Variants in TAFA4 observed in about 807,000 individuals in gnomAD.
TAFA4 encodes the protein TAFA chemokine like family member 4.
TAFA4 carries 20 observed loss-of-function variants against 21.1 expected under a neutral mutation model. The ratio of observed to expected loss-of-function variants is 0.95; its 90% CI spans 0.67 to 1.38. The LOEUF (loss-of-function observed/expected upper bound fraction) is 1.38. TAFA4 is among the 40% of genes most tolerant of loss of function. The pLI, the probability that TAFA4 is intolerant of heterozygous loss-of-function variation, is 0.00. For missense variants in TAFA4, 211 were observed against 180.9 expected (o/e 1.17, Z -0.95); for synonymous variants, 71 against 67.4 (o/e 1.05, Z -0.26).
chr3:68,822,746 G>A (rs958547873), intron 3 of TAFA4, among the ~76,000 whole-genome samples: 3 of 152,150 alleles, frequency 2.0e-5, no homozygotes, highest in African/African-American at 7.2e-5. Context: ...TGCCAGGATT[G>A]TAGGCATGAG....
chr3:68,739,193 A>G lies in TAFA4; in HGVS notation c.293T>C (p.Ile98Thr), dbSNP rs781693482. 9.3e-6 allele frequency: 15 copies of G among 1,613,304 alleles called. No homozygotes were observed. Among genetic ancestry groups the G allele is most frequent in the Admixed American group, 5.0e-5 (3 of 59,874 alleles). ...RAQPSCVEAS[I>T]VIQKWWCHMN... ...GTGACACCACCATTTCTGAATCACA[A>G]TGGAAGCTGGAAAACAAAGGCCAAA... is the stretch of plus-strand genomic sequence containing the variant. The change falls in exon 5 of 6, where the codon ATT becomes ACT. Residue 98 changes from isoleucine to threonine, a missense_variant. Coordinates refer to ENST00000295569, the MANE Select transcript of TAFA4 (RefSeq NM_182522.5).
intron 3 of TAFA4, among the ~76,000 whole-genome samples, chr3:68,758,426 A>T (rs563826857): frequency 1.4e-4 from 21 of 152,268 alleles, no homozygotes; most frequent in African/African-American, 5.1e-4. Flanking sequence ...GATAGTGAAT[A>T]AGTCTCATGA....
chr3:68,900,981 G>C (rs1049078704), intron 1 of TAFA4, among the ~76,000 whole-genome samples: 1 of 152,202 alleles, frequency 6.6e-6, no homozygotes, highest in Non-Finnish European at 1.5e-5. Context: ...GCCACCCATG[G>C]CTAATTCAAG....
intron 3 of TAFA4, among the ~76,000 whole-genome samples, chr3:68,771,259 A>C (rs1160304070): frequency 6.6e-6 from 1 of 152,230 alleles, no homozygotes; most frequent in Non-Finnish European, 1.5e-5. Context: ...TGTCCTTGTG[A>C]TAAGGCAGAA....
At chr3:68,827,850 T>C (rs184901236) in intron 3 of TAFA4, among the ~76,000 whole-genome samples, 43 of 152,346 alleles carry the variant, frequency 2.8e-4, no homozygotes, top group Non-Finnish European at 4.7e-4. Flanking sequence ...ACTCTGATGA[T>C]AGTTTCTTTT....
At chr3:68,885,066 T>C in intron 2 of TAFA4, 109 bp downstream of exon 2, 1 of 1,022,020 alleles carries the variant, frequency 9.8e-7, no homozygotes, top group South Asian at 1.6e-5. Flanking sequence ...CCAAAAAGTG[T>C]AAAAGCAGGC....
intron 3 of TAFA4, among the ~76,000 whole-genome samples, chr3:68,860,369 G>T (rs1392846238): frequency 6.6e-6 from 1 of 152,110 alleles, no homozygotes; most frequent in East Asian, 1.9e-4. Flanking sequence ...GCATACAAAT[G>T]AATGTATTTG....
chr3:68,837,585 A>G (rs1194333310), intron 3 of TAFA4, among the ~76,000 whole-genome samples: 2 of 152,208 alleles, frequency 1.3e-5, no homozygotes, highest in African/African-American at 2.4e-5. Flanking sequence ...TTCTGATTCA[A>G]TGAATCAGAG....
rs796923082 is a variant in TAFA4 at position 68,901,316 on chromosome 3, T to TAA, written c.-122-16008_-122-16007dup. Among the ~76,000 whole-genome samples, 763 of 144,146 alleles carry TAA rather than the reference T, an allele frequency of 5.3e-3. 4 individuals carry two copies. Among genetic ancestry groups the TAA allele is most frequent in the African/African-American group, 0.018 (709 of 39,368 alleles). The allele number at this position is 144,146 out of a possible 152,430, so 94.6% of individuals were successfully genotyped here. ...CAAGAACTCCTACAGCTATTTCACT[T>TAA]AAAAAAAAAAAAAATTCTTATCTTT... On this transcript the variant is annotated intron_variant, in intron 1 of 5. Coordinates refer to ENST00000295569, the MANE Select transcript of TAFA4 (RefSeq NM_182522.5).
intron 4 of TAFA4, among the ~76,000 whole-genome samples, chr3:68,749,029 G>C (rs544079487): frequency 6.6e-6 from 1 of 152,300 alleles, no homozygotes; most frequent in East Asian, 1.9e-4. Context: ...TCACAAAGAA[G>C]AATGCTTACC....
intron 3 of TAFA4, among the ~76,000 whole-genome samples, chr3:68,798,477 T>C (rs1216318577): frequency 1.3e-5 from 2 of 152,280 alleles, no homozygotes; most frequent in African/African-American, 4.8e-5. Context: ...TAGAAATGTA[T>C]CTGGAATCTG....
intron 4 of TAFA4, among the ~76,000 whole-genome samples, chr3:68,741,311 T>C (rs1702347398): frequency 6.6e-6 from 1 of 152,222 alleles, no homozygotes. Flanking sequence ...CTTACAGTTT[T>C]TAGTGTACTG....
intron 3 of TAFA4, among the ~76,000 whole-genome samples, chr3:68,808,649 T>C (rs181038708): frequency 2.0e-5 from 3 of 152,332 alleles, no homozygotes; most frequent in Admixed American, 6.5e-5. Flanking sequence ...CTTTCCTTTA[T>C]GGTTCAGTTC....
intron 3 of TAFA4, among the ~76,000 whole-genome samples, chr3:68,793,559 C>G (rs1703403211): frequency 1.3e-5 from 2 of 152,194 alleles, no homozygotes; most frequent in African/African-American, 4.8e-5. Context: ...ATTTGAGCAA[C>G]AGAGCATTAA....
chr3:68,874,647 A>G (rs2089525340), intron 3 of TAFA4, among the ~76,000 whole-genome samples: 1 of 152,154 alleles, frequency 6.6e-6, no homozygotes, highest in African/African-American at 2.4e-5. Context: ...GGAACTCTTC[A>G]AAGACAGTTG....
chr3:68,904,252 C>G (rs952693344), intron 1 of TAFA4, among the ~76,000 whole-genome samples: 3 of 152,140 alleles, frequency 2.0e-5, no homozygotes, highest in African/African-American at 7.2e-5. Flanking sequence ...AATCTAAAAG[C>G]CTGTGCTATA....
intron 1 of TAFA4, among the ~76,000 whole-genome samples, chr3:68,910,497 G>C (rs1329745458): frequency 1.3e-5 from 2 of 152,202 alleles, no homozygotes; most frequent in Non-Finnish European, 2.9e-5. Flanking sequence ...GATAGATTTA[G>C]GTTAAAGAGG....
chr3:68,911,926 A>G (rs1220639169), intron 1 of TAFA4, among the ~76,000 whole-genome samples: 22 of 152,088 alleles, frequency 1.4e-4, no homozygotes, highest in Non-Finnish European at 1.5e-5. Flanking sequence ...AATCATTTCA[A>G]TTCTCCACAC....
rs75406461 is a variant in TAFA4, at chr3:68,873,957, T to C, written c.130+6773A>G. ...ATGTCAGTGATGAGCTACTGAAAAA[T>C]TGCCTGCTGCTAACAACACTGTTGC... On this transcript the variant is annotated intron_variant, in intron 3 of 5. Transcript: ENST00000295569. 9.8e-3 allele frequency among the ~76,000 whole-genome samples: 1,485 copies of C among 152,244 alleles called. 29 individuals are homozygous for C. The highest frequency in any genetic ancestry group is 0.034 in the African/African-American group (1,417 of 41,542).
Sources: allele counts gnomAD v4.1 joint callset (sites outside exome capture counted in the v4.1 genomes callset), GRCh38; gene constraint gnomAD v4.1.1; transcripts MANE v1.5; gene names NCBI Gene and HGNC (gene_info 2026-07-23, HGNC 2026-07-21).